The following SCN9A variants were observed in gnomAD, a reference collection of about 807,000 sequenced individuals.
SCN9A encodes the protein sodium voltage-gated channel alpha subunit 9, also known as sodium channel protein type 9 subunit alpha.
Under a neutral mutation model 187.0 loss-of-function variants are expected in SCN9A, and 131 were observed. That is an observed-to-expected ratio of 0.70 (90% confidence interval 0.61 to 0.81). The LOEUF (loss-of-function observed/expected upper bound fraction) is 0.81, where lower values mean the gene tolerates loss of function less well. Ranked by LOEUF, SCN9A falls within the 30% of genes least tolerant of loss-of-function variation. The probability of loss-of-function intolerance (pLI) is 0.00; values close to 1 mark genes in which losing one functional copy is unlikely to be tolerated. For missense variants in SCN9A, 2,252 were observed against 2,396.6 expected (o/e 0.94, Z 1.26); for synonymous variants, 809 against 808.6 (o/e 1.00, Z -0.01).
chr2:166,302,923 G>A, intron 7 of SCN9A, 167 bp downstream of exon 7: 1 of 583,796 alleles, frequency 1.7e-6, no homozygotes, highest in Non-Finnish European at 3.0e-6. Flanking sequence ...GAACCAGGAT[G>A]ATTTATGAAA....
chr2:166,292,254 TA>T (rs1340641243), intron 9 of SCN9A, among the ~76,000 whole-genome samples: 1 of 152,072 alleles, frequency 6.6e-6, no homozygotes, highest in African/African-American at 2.4e-5. Flanking sequence ...AATAATTGTA[TA>T]ATGTAATATA....
At position 166,294,649 on chromosome 2, in the gene SCN9A, G is replaced by A; in HGVS notation, c.915C>T (p.Tyr305=). Residue 305 remains tyrosine (Y), a synonymous_variant, in exon 8 of 27, where the codon TAC becomes TAT. Coordinates refer to ENST00000642356, the MANE Select transcript of SCN9A (RefSeq NM_001365536.1). ...GGAGAGCATCTTTGGATCCTTCCAA[G>A]TAATAAAAATATTCTGTTGAAGAAG... ...SEEDFRKYFY[Y]LEGSKDALLC... is the part of the protein sequence containing the mutation. The A allele has an allele frequency of 6.2e-7, 1 of 1,605,850 alleles. No homozygotes were observed. Among genetic ancestry groups the A allele is most frequent in the Middle Eastern group, 1.7e-4 (1 of 6,034 alleles).
chr2:166,269,041 A>G (rs543126874), intron 17 of SCN9A, among the ~76,000 whole-genome samples: 2 of 152,098 alleles, frequency 1.3e-5, no homozygotes, highest in African/African-American at 4.8e-5. Flanking sequence ...AAACTCCTGT[A>G]TATTTAATTG....
At chr2:166,273,129 G>T (rs1271146162) in intron 16 of SCN9A, among the ~76,000 whole-genome samples, 1 of 152,006 alleles carries the variant, frequency 6.6e-6, no homozygotes, top group Admixed American at 6.6e-5. Context: ...GAATTACCAT[G>T]GGGAGCAGAG....
chr2:166,360,765 G>A (rs1700265263), intron 1 of SCN9A, among the ~76,000 whole-genome samples: 1 of 152,096 alleles, frequency 6.6e-6, no homozygotes, highest in African/African-American at 2.4e-5. Context: ...CAGTGCCTAG[G>A]CTAAATAAAT....
intron 15 of SCN9A, chr2:166,277,897 A>C: frequency 2.7e-6 from 1 of 367,682 alleles, no homozygotes; most frequent in Admixed American, 4.4e-5. Flanking sequence ...TTAATAGAAA[A>C]TATTTATATT....
intron 13 of SCN9A, 87 bp downstream of exon 13, chr2:166,281,592 A>G: frequency 8.0e-7 from 1 of 1,252,338 alleles, no homozygotes; most frequent in Non-Finnish European, 1.1e-6. Context: ...AATTCTTCCT[A>G]AGAATTTCAT....
chr2:166,359,112 T>A (rs567237436), intron 1 of SCN9A, among the ~76,000 whole-genome samples: 2 of 152,178 alleles, frequency 1.3e-5, no homozygotes, highest in Non-Finnish European at 2.9e-5. Context: ...ACTATCTATG[T>A]AGGTCACCAT....
At chr2:166,268,120 C>A (rs1696819562) in intron 17 of SCN9A, among the ~76,000 whole-genome samples, 1 of 151,898 alleles carries the variant, frequency 6.6e-6, no homozygotes, top group South Asian at 2.1e-4. Context: ...ACATTGAGCA[C>A]TTTTCAATAA....
At chr2:166,311,329 C>CAT (rs1559034298) in intron 2 of SCN9A, among the ~76,000 whole-genome samples, 170 bp downstream of exon 2, 3,812 of 47,818 alleles carry the variant, frequency 0.08, 1,003 homozygotes, top group South Asian at 0.092. Context: ...TTCTGAATAT[C>CAT]CTATATATAT....
chr2:166,366,537 A>C lies in SCN9A; in HGVS notation c.-51+9160T>G, dbSNP rs534785673. The stretch of plus-strand genomic sequence containing the variant: ...GATTTCAATTGCTGGATCATATGGT[A>C]GTTCTATTTTTAATTTTTTGAGGAA... On this transcript the variant is annotated intron_variant, in intron 1 of 26. Transcript: ENST00000642356. Among the ~76,000 whole-genome samples the C allele has an allele frequency of 2.6e-5, 4 of 152,254 alleles. No homozygotes were observed. In the South Asian group the frequency reaches 8.3e-4, roughly 32 times the overall value.
chr2:166,213,859 C>T lies in SCN9A; in HGVS notation c.4399-9395G>A, dbSNP rs370289634. Among the ~76,000 whole-genome samples, 47 of 152,104 alleles carry T rather than the reference C, an allele frequency of 3.1e-4. No homozygotes were observed. The South Asian group carries it at 9.6e-3, about 31-fold the overall frequency. On this transcript the variant is annotated intron_variant, in intron 24 of 26. Transcript: ENST00000642356. ...AATCCAGTAGAAAAACTCATGCACA[C>T]CAGAGGACAGAAAATACCCATATCA...
In SCN9A at chr2:166,256,845, G is replaced by A. The variant is rs1696298131; in HGVS notation, c.3352-4960C>T. 2.0e-5 allele frequency among the ~76,000 whole-genome samples: 3 copies of A among 151,420 alleles called. No individual in the cohort carries two copies. The Middle Eastern group carries it at 0.01, about 515-fold the overall frequency. On this transcript the variant is annotated intron_variant, in intron 17 of 26. Coordinates refer to ENST00000642356, the MANE Select transcript of SCN9A (RefSeq NM_001365536.1). Reference sequence around the variant, plus strand: ...TTCAGAATAAAACCAGTGATTTCACGGAGACCTCTTCTTTTTCTCAGAATC... The same window carrying A: ...TTCAGAATAAAACCAGTGATTTCACAGAGACCTCTTCTTTTTCTCAGAATC...
intron 18 of SCN9A, among the ~76,000 whole-genome samples, chr2:166,245,685 G>A (rs1005442695): frequency 2.0e-5 from 3 of 151,910 alleles, no homozygotes; most frequent in African/African-American, 7.2e-5. Context: ...TTAGATGAAG[G>A]CAGGAGGTGG....
chr2:166,277,270 C>T lies in SCN9A; in HGVS notation c.2587G>A (p.Val863Ile), dbSNP rs913005992. The change falls in exon 16 of 27, where the codon GTA (valine) becomes ATA (isoleucine). Residue 863 changes from valine to isoleucine, a missense_variant. Val to Ile is a conservative substitution (Grantham distance 29). Transcript: ENST00000642356. ...AAGGTGAGGTTACCTAGAGCCCCTACTGAGTTACCAATGATCTTAATCAGC... is the reference window on the plus strand; with the variant it reads ...AAGGTGAGGTTACCTAGAGCCCCTATTGAGTTACCAATGATCTTAATCAGC... ...NMLIKIIGNS[V>I]GALGNLTLVL... The T allele has an allele frequency of 6.2e-7, 1 of 1,614,094 alleles. No individual in the cohort carries two copies. Among genetic ancestry groups the T allele is most frequent in the South Asian group, 1.1e-5 (1 of 91,080 alleles).
At chr2:166,358,552 T>C (rs1336671868) in intron 1 of SCN9A, among the ~76,000 whole-genome samples, 1 of 152,178 alleles carries the variant, frequency 6.6e-6, no homozygotes, top group African/African-American at 2.4e-5. Flanking sequence ...AACAAAATAA[T>C]AAAATTAGCT....
At chr2:166,363,940 A>G (rs1450372428) in intron 1 of SCN9A, among the ~76,000 whole-genome samples, 1 of 152,106 alleles carries the variant, frequency 6.6e-6, no homozygotes, top group Non-Finnish European at 1.5e-5. Flanking sequence ...TGCAAATCAT[A>G]TATCTGATAA....
chr2:166,313,996 A>G (rs965408915), intron 1 of SCN9A, among the ~76,000 whole-genome samples: 1 of 152,186 alleles, frequency 6.6e-6, no homozygotes, highest in South Asian at 2.1e-4. Flanking sequence ...CTGAAACAGA[A>G]CACGTCACAT....
rs761743095 is a variant in SCN9A at position 166,277,010 on chromosome 2, C to T, written c.2847G>A (p.Met949Ile). The T allele has an allele frequency of 1.9e-6, 3 of 1,613,798 alleles. No homozygotes were observed. The South Asian group carries it at 3.3e-5, about 18-fold the overall frequency. Residue 949 changes from methionine to isoleucine, a missense_variant, in exon 16 of 27, where the codon ATG becomes ATA. Around this residue, in one of 7 missense-constraint regions of SCN9A, gnomAD observed 119 missense variants for 188.7 expected, o/e 0.63. Coordinates refer to ENST00000642356, the MANE Select transcript of SCN9A (RefSeq NM_001365536.1). ...AGQAMCLIVYMMVMVIGNLVV... is the reference protein window; with the variant it reads ...AGQAMCLIVYIMVMVIGNLVV... ...CCAGGTTTCCAATGACCATGACCAT[C>T]ATGTAAACAATAAGGCACATAGCTT...
Sources: allele counts gnomAD v4.1 joint callset (sites outside exome capture counted in the v4.1 genomes callset), GRCh38; gene constraint gnomAD v4.1.1; regional missense constraint gnomAD v4.1.1; transcripts MANE v1.5; gene names NCBI Gene and HGNC (gene_info 2026-07-23, HGNC 2026-07-21).